Variants in ZBTB8B observed in about 807,000 individuals in gnomAD.
The protein encoded by ZBTB8B is zinc finger and BTB domain containing 8B, also known as zinc finger and BTB domain-containing protein 8B.
ZBTB8B carries 17 observed loss-of-function variants against 30.3 expected under a neutral mutation model. That is an observed-to-expected ratio of 0.56 (90% CI 0.38 to 0.84). The LOEUF is 0.84. ZBTB8B is among the 40% of genes least tolerant of loss of function. The pLI, the probability that ZBTB8B is intolerant of heterozygous loss-of-function variation, is 0.00. For missense variants in ZBTB8B, 515 were observed against 644.9 expected, an observed-to-expected ratio of 0.80 and a Z score of 2.18; for synonymous variants, 248 against 255.6, an observed-to-expected ratio of 0.97 and a Z score of 0.28.
rs1401585475 is a variant in ZBTB8B, at chr1:32,494,197, A to AG, written c.*8779_*8780insG. On this transcript the variant is annotated 3_prime_UTR_variant, in exon 4 of 4. Coordinates refer to ENST00000609129, the MANE Select transcript of ZBTB8B (RefSeq NM_001145720.2). ...AAACTCCATCTCAAAAAAAAAAAAA[A>AG]AAAAAAAAAAGAAATCAGGATACAT... 1 of 152,416 alleles carries AG rather than the reference A, an allele frequency of 6.6e-6. No homozygotes were observed. Among genetic ancestry groups the AG allele is most frequent in the East Asian group, 1.9e-4 (1 of 5,254 alleles). 9.4% of individuals were successfully genotyped at this position (152,416 alleles called of 1,614,324 possible).
At position 32,470,745 on chromosome 1, in the gene ZBTB8B, A is replaced by G. The variant is rs1257105857; in HGVS notation, c.121A>G (p.Ile41Val). ...GCGGATCTTCAAGGCCCACAGGAAC[A>G]TTTTGTTTGCTAACAGCGGCTACTT... ...EGRIFKAHRN[I>V]LFANSGYFRA... Residue 41 changes from isoleucine to valine, a missense_variant, in exon 2 of 4, where the codon ATT (isoleucine) becomes GTT (valine). Around this residue, in one of 3 missense-constraint regions of ZBTB8B, gnomAD observed 61 missense variants for 117.7 expected, o/e 0.52. Coordinates refer to ENST00000609129, the MANE Select transcript of ZBTB8B (RefSeq NM_001145720.2). The G allele has an allele frequency of 1.3e-6, 2 of 1,551,702 alleles. No homozygotes were observed. Among genetic ancestry groups the G allele is most frequent in the Non-Finnish European group, 1.7e-6 (2 of 1,147,030 alleles).
chr1:32,467,937 AC>A (rs1643585147), intron 1 of ZBTB8B, among the ~76,000 whole-genome samples: 1 of 151,504 alleles, frequency 6.6e-6, no homozygotes, highest in Admixed American at 6.6e-5. Flanking sequence ...ACATGGCAAA[AC>A]CCTGTCTCTA....
rs932505461 is a variant in ZBTB8B, at chr1:32,485,149, T to C, written c.1219T>C (p.Phe407Leu). The C allele has an allele frequency of 6.4e-7, 1 of 1,552,122 alleles. No homozygotes were observed. Residue 407 changes from phenylalanine to leucine, a missense_variant, in exon 4 of 4, where the codon TTC becomes CTC. Transcript: ENST00000609129. ...CATCTGCAAGGGCTGCAGGAGAACA[T>C]TCACGAGTCACCTGTCCCAGGGGCT... ...PIICKGCRRTFTSHLSQGLRR... is the reference protein window; with the variant it reads ...PIICKGCRRTLTSHLSQGLRR...
At position 32,489,435 on chromosome 1, in the gene ZBTB8B, T is replaced by A. The variant is rs1643765813; in HGVS notation, c.*4017T>A. The A allele has an allele frequency of 6.6e-6, 1 of 152,254 alleles. No individual in the cohort carries two copies. Among genetic ancestry groups the A allele is most frequent in the Non-Finnish European group, 1.5e-5 (1 of 68,050 alleles). 9.4% of individuals were successfully genotyped at this position (152,254 alleles called of 1,614,324 possible). A position where few individuals can be genotyped will look rare whatever the true frequency, so the allele number is the denominator to read the frequency against. On this transcript the variant is annotated 3_prime_UTR_variant, in exon 4 of 4. Coordinates refer to ENST00000609129, the MANE Select transcript of ZBTB8B (RefSeq NM_001145720.2). Reference sequence around the variant, plus strand: ...TGTATAGGCACTGGCAATAACTGGATCACTGAGTTCTATCACTTTTAAAGG... The same window carrying A: ...TGTATAGGCACTGGCAATAACTGGAACACTGAGTTCTATCACTTTTAAAGG...
At chr1:32,474,215 A>C (rs1209795984) in intron 2 of ZBTB8B, among the ~76,000 whole-genome samples, 2 of 151,240 alleles carry the variant, frequency 1.3e-5, no homozygotes, top group Non-Finnish European at 2.9e-5. Flanking sequence ...GACTTGAAAA[A>C]CTTGAAAATG....
chr1:32,493,825 G>T lies in ZBTB8B; in HGVS notation c.*8407G>T, dbSNP rs1484591704. ...GATAACTTCCCATTATGTTGATCCA[G>T]TGTACTGTGACAGATGGGGAGGAGC... On this transcript the variant is annotated 3_prime_UTR_variant, in exon 4 of 4. Transcript: ENST00000609129. The T allele has an allele frequency of 1.3e-5, 2 of 152,128 alleles. No homozygotes were observed. Among genetic ancestry groups the T allele is most frequent in the Non-Finnish European group, 2.9e-5 (2 of 68,032 alleles). 9.4% of individuals were successfully genotyped at this position (152,128 alleles called of 1,614,324 possible).
At chr1:32,467,473 C>T (rs1643580520) in intron 1 of ZBTB8B, among the ~76,000 whole-genome samples, 1 of 151,928 alleles carries the variant, frequency 6.6e-6, no homozygotes, top group Non-Finnish European at 1.5e-5. Flanking sequence ...AGGCTGGTCT[C>T]GAACTCCTGA....
In ZBTB8B at chr1:32,488,292, A is replaced by T. The variant is rs1269411997; in HGVS notation, c.*2874A>T. 1.3e-5 allele frequency: 2 copies of T among 152,218 alleles called. No individual in the cohort carries two copies. The highest frequency in any genetic ancestry group is 2.9e-5 in the Non-Finnish European group (2 of 68,034). 9.4% of individuals were successfully genotyped at this position (152,218 alleles called of 1,614,324 possible). A position where few individuals can be genotyped will look rare whatever the true frequency, so the allele number is the denominator to read the frequency against. ...TAAAAGAGGGATCTCAGCAAAAAGG[A>T]AACCTAAATGGATGTGTAGAAGATT... On this transcript the variant is annotated 3_prime_UTR_variant, in exon 4 of 4. Transcript: ENST00000609129.
rs1391954931 is a variant in ZBTB8B at position 32,494,950 on chromosome 1, C to T, written c.*9532C>T. 6.6e-6 allele frequency: 1 copy of T among 152,006 alleles called. No individual in the cohort carries two copies. The highest frequency in any genetic ancestry group is 2.4e-5 in the African/African-American group (1 of 41,380). 9.4% of individuals were successfully genotyped at this position (152,006 alleles called of 1,614,324 possible). ...AGTAGCTGGGATTACAGAGGTATGC[C>T]ACCATGCCCGGCTAATTTTTGTATT... On this transcript the variant is annotated 3_prime_UTR_variant, in exon 4 of 4. Transcript: ENST00000609129.
In ZBTB8B at chr1:32,471,407, C is replaced by T. The variant is rs1643619685; in HGVS notation, c.783C>T (p.Ala261=). The change falls in exon 2 of 4, where the codon GCC becomes GCT. Residue 261 remains alanine, a synonymous_variant. Transcript: ENST00000609129. ...TGAACCTGGCCCACGTGGAGGAGGC[C>T]TTGCCAAGCGGCCAGGCGGTTGACT... ...APLNLAHVEE[A]LPSGQAVDLA... 1 of 1,551,710 alleles carries T rather than the reference C, an allele frequency of 6.4e-7. No homozygotes were observed. Among genetic ancestry groups the T allele is most frequent in the African/African-American group, 1.4e-5 (1 of 73,074 alleles).
In ZBTB8B at chr1:32,479,594, A is replaced by G. The variant is rs148180967; in HGVS notation, c.992-1297A>G. Among the ~76,000 whole-genome samples the G allele has an allele frequency of 8.7e-3, 1,324 of 152,318 alleles. 14 individuals carry two copies. The highest frequency in any genetic ancestry group is 0.03 in the African/African-American group (1,230 of 41,568). On this transcript the variant is annotated intron_variant, in intron 2 of 3. Transcript: ENST00000609129. Reference sequence around the variant, plus strand: ...ATATAGTTGACCCTCTGTGTCCATAACTTCTGCATCCGTGGTTCCGTGGAT... The same window carrying G: ...ATATAGTTGACCCTCTGTGTCCATAGCTTCTGCATCCGTGGTTCCGTGGAT...
chr1:32,472,741 G>A (rs1272219206), intron 2 of ZBTB8B, among the ~76,000 whole-genome samples: 3 of 152,170 alleles, frequency 2.0e-5, no homozygotes, highest in African/African-American at 7.2e-5. Context: ...AGCCTCCCGA[G>A]TAGCTGGGAT....
intron 2 of ZBTB8B, among the ~76,000 whole-genome samples, chr1:32,479,194 A>G (rs1034783570): frequency 6.6e-6 from 1 of 152,108 alleles, no homozygotes; most frequent in Non-Finnish European, 1.5e-5. Context: ...ATATGATATG[A>G]CCAAAGTCTA....
chr1:32,474,991 A>G (rs1418433452), intron 2 of ZBTB8B, among the ~76,000 whole-genome samples: 1 of 152,208 alleles, frequency 6.6e-6, no homozygotes, highest in Non-Finnish European at 1.5e-5. Context: ...CACTTATAAT[A>G]TATTCAGGTC....
At chr1:32,481,532 C>T (rs898876311) in intron 3 of ZBTB8B, among the ~76,000 whole-genome samples, 1 of 152,152 alleles carries the variant, frequency 6.6e-6, no homozygotes, top group African/African-American at 2.4e-5. Context: ...AGGAGACCCT[C>T]CCCTCTAACA....
rs1208931691 is a variant in ZBTB8B, at chr1:32,480,884, T to C, written c.992-7T>C. On this transcript the variant is annotated splice_polypyrimidine_tract_variant and splice_region_variant and intron_variant, in intron 2 of 3. Transcript: ENST00000609129. The stretch of plus-strand genomic sequence containing the variant: ...GCACAGCTAAATGAAAGCATTTGGT[T>C]CCCCAGGTGATGTGCTGGTGGTCCC... 1 of 1,550,376 alleles carries C rather than the reference T, an allele frequency of 6.5e-7. No individual in the cohort carries two copies. The highest frequency in any genetic ancestry group is 2.4e-5 in the East Asian group (1 of 40,882).
At position 32,471,048 on chromosome 1, in the gene ZBTB8B, G is replaced by A. The variant is rs1292156554; in HGVS notation, c.424G>A (p.Ala142Thr). The A allele has an allele frequency of 6.5e-7, 1 of 1,549,864 alleles. No homozygotes were observed. The highest frequency in any genetic ancestry group is 8.7e-7 in the Non-Finnish European group (1 of 1,146,214). Reference sequence around the variant, plus strand: ...TGTGGCTGCAGCAGTGGCGGCGGCAGCGGCGGCGGCTGCAGCGGCGGCAGC... The same window carrying A: ...TGTGGCTGCAGCAGTGGCGGCGGCAACGGCGGCGGCTGCAGCGGCGGCAGC... ...AAVAAAVAAAAAAAAAAAAAA... is the reference protein window; with the variant it reads ...AAVAAAVAAATAAAAAAAAAA... Residue 142 changes from alanine (A) to threonine (T), a missense_variant, in exon 2 of 4, where the codon GCG (alanine) becomes ACG (threonine). Transcript: ENST00000609129.
intron 1 of ZBTB8B, among the ~76,000 whole-genome samples, chr1:32,468,142 A>T (rs1407577442): frequency 6.6e-6 from 1 of 151,874 alleles, no homozygotes; most frequent in Non-Finnish European, 1.5e-5. Flanking sequence ...TAATAATAAT[A>T]TTTAAAAAAG....
chr1:32,482,948 A>AG (rs1320782054), intron 3 of ZBTB8B, among the ~76,000 whole-genome samples: 4 of 151,842 alleles, frequency 2.6e-5, no homozygotes, highest in African/African-American at 9.7e-5. Context: ...CCCACCCACT[A>AG]GGACTGCGCT....
Sources: gnomAD v4.1 joint callset for allele counts (sites outside exome capture counted in the v4.1 genomes callset) on GRCh38, gnomAD v4.1.1 for gene constraint, gnomAD v4.1.1 regional missense constraint, MANE v1.5 for transcripts, NCBI Gene and HGNC (gene_info 2026-07-23, HGNC 2026-07-21) for gene names.